Variants in GRID1 observed in about 807,000 individuals in gnomAD.
The protein encoded by GRID1 is glutamate receptor ionotropic, delta-1.
GRID1 carries 28 observed loss-of-function variants against 98.0 expected under a neutral mutation model. That is an observed-to-expected ratio of 0.29 (90% CI 0.21 to 0.39). GRID1 has a LOEUF of 0.39. GRID1 is among the 10% of genes least tolerant of loss of function. The pLI, the probability that GRID1 is intolerant of heterozygous loss-of-function variation, is 1.00. For missense variants in GRID1, 1,111 were observed against 1,340.5 expected (o/e 0.83, Z 2.67); for synonymous variants, 553 against 538.5 (o/e 1.03, Z -0.37).
rs946990603 is a variant in GRID1, at chr10:86,027,046, G to A, written c.727-110807C>T. Among the ~76,000 whole-genome samples the A allele has an allele frequency of 2.0e-5, 3 of 152,204 alleles. No individual in the cohort carries two copies. In the East Asian group the frequency reaches 5.8e-4, roughly 29 times the overall value. Reference sequence around the variant, plus strand: ...GAGCTCCACTCAGAAGGAGCAGCCTGTCTTGAGGGTCTCCTGGAGTAAAAT... The same window carrying A: ...GAGCTCCACTCAGAAGGAGCAGCCTATCTTGAGGGTCTCCTGGAGTAAAAT... On this transcript the variant is annotated intron_variant, in intron 4 of 15. Transcript: ENST00000327946.
In GRID1 at chr10:86,277,503, A is replaced by G. The variant is rs114323920; in HGVS notation, c.236-70855T>C. Among the ~76,000 whole-genome samples the G allele has an allele frequency of 2.7e-3, 416 of 152,350 alleles. 3 individuals are homozygous for G. The highest frequency in any genetic ancestry group is 9.4e-3 in the African/African-American group (391 of 41,596). ...TTAAAAAACACATGCATTTTTAATT[A>G]TAAATCTATTTTAATTGGCACATAA... On this transcript the variant is annotated intron_variant, in intron 2 of 15. Transcript: ENST00000327946.
chr10:85,617,478 C>G (rs1480373664), intron 14 of GRID1, among the ~76,000 whole-genome samples: 1 of 152,218 alleles, frequency 6.6e-6, no homozygotes, highest in African/African-American at 2.4e-5. Flanking sequence ...ACGTGATCTG[C>G]CCGCCTCAGC....
chr10:86,012,531 C>T (rs916640427), intron 4 of GRID1, among the ~76,000 whole-genome samples: 41 of 152,178 alleles, frequency 2.7e-4, no homozygotes, highest in African/African-American at 4.8e-5. Flanking sequence ...ATACTTAATA[C>T]TTCTTAGCTT....
intron 8 of GRID1, among the ~76,000 whole-genome samples, chr10:85,768,294 TA>T (rs1438157570): frequency 1.3e-5 from 2 of 152,116 alleles, no homozygotes; most frequent in African/African-American, 4.8e-5. Context: ...ATCAAGGATT[TA>T]AACACATCAA....
chr10:85,747,761 G>A (rs556640679), intron 8 of GRID1, among the ~76,000 whole-genome samples: 19 of 152,120 alleles, frequency 1.2e-4, no homozygotes, highest in Non-Finnish European at 2.5e-4. Flanking sequence ...TTTCTGTTAC[G>A]GGATAGCAGA....
intron 3 of GRID1, among the ~76,000 whole-genome samples, chr10:86,168,969 C>T (rs1845441346): frequency 6.6e-6 from 1 of 152,180 alleles, no homozygotes; most frequent in African/African-American, 2.4e-5. Context: ...GACCCAGGCC[C>T]ACAGCTCCAG....
At chr10:86,231,467 A>G (rs1870161) in intron 2 of GRID1, among the ~76,000 whole-genome samples, 99,976 of 151,974 alleles carry the variant, frequency 0.66, 33,219 homozygotes, top group East Asian at 0.84. Context: ...CCCCTAAGTG[A>G]ACCCTTGTGC....
chr10:85,924,816 C>T (rs946381421), intron 4 of GRID1, among the ~76,000 whole-genome samples: 2 of 152,170 alleles, frequency 1.3e-5, no homozygotes, highest in African/African-American at 4.8e-5. Flanking sequence ...TTCTTGTTGA[C>T]CAAGTCTGAG....
At chr10:85,996,770 A>T (rs1315009416) in intron 4 of GRID1, among the ~76,000 whole-genome samples, 16 of 151,012 alleles carry the variant, frequency 1.1e-4, no homozygotes, top group Admixed American at 9.9e-4. Context: ...TAGAGGTTGC[A>T]GTGAGCTGAG....
intron 3 of GRID1, among the ~76,000 whole-genome samples, chr10:86,151,588 A>T (rs1398322119): frequency 6.6e-6 from 1 of 152,226 alleles, no homozygotes; most frequent in African/African-American, 2.4e-5. Context: ...AATCAGTATT[A>T]ATAAGTGACA....
intron 4 of GRID1, among the ~76,000 whole-genome samples, chr10:86,126,115 T>C (rs1228926790): frequency 6.6e-6 from 1 of 152,046 alleles, no homozygotes; most frequent in East Asian, 1.9e-4. Flanking sequence ...AAGAAGGATG[T>C]TGGAATCACA....
At chr10:85,695,500 G>C (rs1841383227) in intron 12 of GRID1, among the ~76,000 whole-genome samples, 1 of 152,172 alleles carries the variant, frequency 6.6e-6, no homozygotes, top group African/African-American at 2.4e-5. Context: ...ATAAAATGTG[G>C]ATGCTATCAA....
chr10:86,130,393 C>G (rs1022100098), intron 4 of GRID1, among the ~76,000 whole-genome samples: 1 of 152,248 alleles, frequency 6.6e-6, no homozygotes, highest in African/African-American at 2.4e-5. Flanking sequence ...TAAATGGGAA[C>G]AGTCATTCCT....
chr10:85,948,350 A>G (rs1390273681), intron 4 of GRID1, among the ~76,000 whole-genome samples: 1 of 152,212 alleles, frequency 6.6e-6, no homozygotes, highest in Admixed American at 6.5e-5. Context: ...GATGAGGATG[A>G]AGTGGTTGAG....
At chr10:86,197,007 T>C (rs936571681) in intron 3 of GRID1, among the ~76,000 whole-genome samples, 1 of 152,066 alleles carries the variant, frequency 6.6e-6, no homozygotes, top group African/African-American at 2.4e-5. Flanking sequence ...CTTTAGGTGC[T>C]GTTCTAAATG....
chr10:86,022,520 GA>G (rs962411671), intron 4 of GRID1, among the ~76,000 whole-genome samples: 4 of 150,090 alleles, frequency 2.7e-5, no homozygotes, highest in Non-Finnish European at 5.9e-5. Context: ...GTTAAAGGAT[GA>G]AAAAAAAACA....
intron 2 of GRID1, among the ~76,000 whole-genome samples, chr10:86,282,804 A>C (rs1364156291): frequency 6.6e-6 from 1 of 151,918 alleles, no homozygotes; most frequent in Non-Finnish European, 1.5e-5. Flanking sequence ...CTAGATGTCC[A>C]CACCAGCCCT....
At chr10:86,074,673 C>A (rs1156749523) in intron 4 of GRID1, among the ~76,000 whole-genome samples, 2 of 152,112 alleles carry the variant, frequency 1.3e-5, no homozygotes, top group East Asian at 1.9e-4. Flanking sequence ...GGTCAAGTAA[C>A]CCTTTGATAT....
chr10:86,116,545 G>A (rs1439055885), intron 4 of GRID1, among the ~76,000 whole-genome samples: 2 of 152,268 alleles, frequency 1.3e-5, no homozygotes, highest in East Asian at 3.9e-4. Context: ...GTGGGAGAAC[G>A]ATGGCCATCC....
Sources: allele counts gnomAD v4.1 joint callset (sites outside exome capture counted in the v4.1 genomes callset), GRCh38; gene constraint gnomAD v4.1.1; transcripts MANE v1.5; gene names NCBI Gene and HGNC (gene_info 2026-07-23, HGNC 2026-07-21).